Variants in FRG1 observed in about 807,000 individuals in gnomAD.
FRG1 encodes protein FRG1.
In FRG1, 19 loss-of-function variants were observed where a neutral mutation model predicts 37.0. The observed-to-expected ratio is 0.51, with a 90% CI of 0.36 to 0.75. The LOEUF is 0.75. Ranked by LOEUF, FRG1 falls within the 30% of genes least tolerant of loss-of-function variation. The pLI is 0.00. For synonymous variants in FRG1, 73 were observed against 96.5 expected, an observed-to-expected ratio of 0.76 and a Z score of 1.43; for missense variants, 243 against 301.4, an observed-to-expected ratio of 0.81 and a Z score of 1.44.
chr4:189,952,844 C>T (rs139147580), intron 3 of FRG1, among the ~76,000 whole-genome samples: 7 of 152,102 alleles, frequency 4.6e-5, no homozygotes, highest in African/African-American at 1.5e-4. Flanking sequence ...ATTAAATAAG[C>T]ATTATATCAC....
chr4:189,945,045 A>G (rs201004711), intron 2 of FRG1, among the ~76,000 whole-genome samples: 1 of 152,174 alleles, frequency 6.6e-6, no homozygotes, highest in East Asian at 1.9e-4. Flanking sequence ...ATTACTGTCA[A>G]TAGAACCTTT....
chr4:189,958,469 C>G (rs1737084730), intron 6 of FRG1, among the ~76,000 whole-genome samples: 1 of 152,200 alleles, frequency 6.6e-6, no homozygotes, highest in East Asian at 1.9e-4. Flanking sequence ...ATTAATAGTA[C>G]CCGTCTTCTT....
intron 1 of FRG1, chr4:189,942,114 T>A (rs983434881): frequency 3.0e-5 from 5 of 169,188 alleles, no homozygotes; most frequent in African/African-American, 1.2e-4. Context: ...TGTCTTAAGA[T>A]CATCGTAATA....
At chr4:189,944,337 C>T (rs1353400961) in intron 2 of FRG1, among the ~76,000 whole-genome samples, 1 of 152,064 alleles carries the variant, frequency 6.6e-6, no homozygotes, top group Non-Finnish European at 1.5e-5. Flanking sequence ...CCACCACACC[C>T]GGCTAATTTT....
At chr4:189,953,798 G>C (rs62345277) in intron 4 of FRG1, among the ~76,000 whole-genome samples, 1 of 150,556 alleles carries the variant, frequency 6.6e-6, no homozygotes, top group Non-Finnish European at 1.5e-5. Context: ...GATTATTTCT[G>C]TACTTTCTTT....
chr4:189,960,606 A>G (rs1193483587), intron 6 of FRG1, 142 bp from the exon 7 acceptor site: 2 of 986,548 alleles, frequency 2.0e-6, no homozygotes, highest in African/African-American at 3.3e-5. Flanking sequence ...ACACATAGCC[A>G]GAACCTTTTT....
intron 6 of FRG1, 143 bp from the exon 7 acceptor site, chr4:189,960,601 TAGCC>T: frequency 1.1e-6 from 1 of 915,622 alleles, no homozygotes; most frequent in Non-Finnish European, 1.6e-6. Context: ...TAAAAACACA[TAGCC>T]AGAACCTTTT....
intron 2 of FRG1, among the ~76,000 whole-genome samples, chr4:189,951,414 C>T (rs1267675864): frequency 6.6e-6 from 1 of 151,094 alleles, no homozygotes; most frequent in African/African-American, 2.4e-5. Flanking sequence ...TGTTTGAACC[C>T]GGGAGGCAGA....
At position 189,940,937 on chromosome 4, in the gene FRG1, C is replaced by T. The variant is rs1489246406; in HGVS notation, c.-73C>T. ...CGCGTCCGCTTCTGTTTCTCCGCGC[C>T]CCTGTGCTGCCCCGACTCACATACT... On this transcript the variant is annotated 5_prime_UTR_variant, in exon 1 of 9. Transcript: ENST00000226798. 20 of 1,210,590 alleles carry T rather than the reference C, an allele frequency of 1.7e-5. No homozygotes were observed. In the Admixed American group the frequency reaches 2.1e-4, roughly 13 times the overall value. 75.0% of individuals were successfully genotyped at this position (1,210,590 alleles called of 1,614,324 possible). A position where few individuals can be genotyped will look rare whatever the true frequency, so the allele number is the denominator to read the frequency against.
Position 189,940,956 on chromosome 4 carries a change from A to G in FRG1, c.-54A>G. On this transcript the variant is annotated 5_prime_UTR_variant, in exon 1 of 9. Transcript: ENST00000226798. ...CCGCGCCCCTGTGCTGCCCCGACTC[A>G]CATACTCGTCCAGAACCGGCCTCAG... 1 of 1,460,430 alleles carries G rather than the reference A, an allele frequency of 6.8e-7. No homozygotes were observed. 90.5% of individuals were successfully genotyped at this position (1,460,430 alleles called of 1,614,324 possible). A position where few individuals can be genotyped will look rare whatever the true frequency, so the allele number is the denominator to read the frequency against.
chr4:189,941,859 G>A, intron 1 of FRG1: 1 of 442,256 alleles, frequency 2.3e-6, no homozygotes, highest in Non-Finnish European at 4.5e-6. Context: ...TACAAATGTC[G>A]AGTATTTCCT....
intron 2 of FRG1, among the ~76,000 whole-genome samples, chr4:189,948,913 G>A (rs1736641308): frequency 6.6e-6 from 1 of 152,234 alleles, no homozygotes; most frequent in Non-Finnish European, 1.5e-5. Context: ...GGCTGATTTT[G>A]AACTCCTGGG....
rs1337962897 is a variant in FRG1 at position 189,959,832 on chromosome 4, C to T, written c.538-916C>T. The T allele has an allele frequency of 3.1e-6, 3 of 970,202 alleles. No individual in the cohort carries two copies. The African/African-American group carries it at 5.3e-5, about 17-fold the overall frequency. The allele number at this position is 970,202 out of a possible 1,614,324, so 60.1% of individuals were successfully genotyped here. A position where few individuals can be genotyped will look rare whatever the true frequency, so the allele number is the denominator to read the frequency against. On this transcript the variant is annotated intron_variant, in intron 6 of 8. Coordinates refer to ENST00000226798, the MANE Select transcript of FRG1 (RefSeq NM_004477.3). ...GATTATTTAGGACTCTTTTCCTTTA[C>T]CATTTAATTGCAGGCTCTCCTAATC...
intron 2 of FRG1, among the ~76,000 whole-genome samples, chr4:189,951,170 C>T (rs768745610): frequency 5.9e-5 from 9 of 152,104 alleles, no homozygotes; most frequent in Non-Finnish European, 1.0e-4. Flanking sequence ...AGATTCTGCT[C>T]ATTTTACTTT....
At chr4:189,945,000 T>A (rs1736466657) in intron 2 of FRG1, among the ~76,000 whole-genome samples, 1 of 152,192 alleles carries the variant, frequency 6.6e-6, no homozygotes, top group South Asian at 2.1e-4. Context: ...GCATGCCTGT[T>A]TAAACATTTA....
chr4:189,950,111 G>A (rs1173453404), intron 2 of FRG1, among the ~76,000 whole-genome samples: 4 of 152,090 alleles, frequency 2.6e-5, no homozygotes, highest in Non-Finnish European at 5.9e-5. Flanking sequence ...TTATGGTTTT[G>A]ATTTATATTT....
Position 189,952,172 on chromosome 4 carries a change from G to T in FRG1, c.144G>T (p.Trp48Cys), listed in dbSNP as rs3207890. The T allele has an allele frequency of 6.3e-7, 1 of 1,575,766 alleles. No individual in the cohort carries two copies. Among genetic ancestry groups the T allele is most frequent in the African/African-American group, 1.4e-5 (1 of 73,212 alleles). The change falls in exon 3 of 9, where the codon TGG (tryptophan) becomes TGT (cysteine). Residue 48 changes from tryptophan to cysteine, a missense_variant. By Grantham distance (215) the Trp-to-Cys change is radical (BLOSUM62 -2). This residue lies in a region of FRG1 where 110 missense variants were observed against 102.2 expected (regional missense o/e 1.08). Coordinates refer to ENST00000226798, the MANE Select transcript of FRG1 (RefSeq NM_004477.3). ...ETQLDIVGIW[W>C]TVTNFGEISG... Reference sequence around the variant, plus strand: ...GATTTTATTTTTTAGGAATCTGGTGGACAGTAACAAACTTTGGTGAAATTT... The same window carrying T: ...GATTTTATTTTTTAGGAATCTGGTGTACAGTAACAAACTTTGGTGAAATTT...
At chr4:189,961,716 G>T in intron 7 of FRG1, 106 bp from the exon 8 acceptor site, 1 of 594,040 alleles carries the variant, frequency 1.7e-6, no homozygotes, top group Non-Finnish European at 2.9e-6. Context: ...CCTACAATTA[G>T]ACTTTTTTAC....
intron 1 of FRG1, among the ~76,000 whole-genome samples, 196 bp from the exon 2 acceptor site, chr4:189,943,006 T>C (rs1454754205): frequency 6.6e-6 from 1 of 152,186 alleles, no homozygotes; most frequent in Non-Finnish European, 1.5e-5. Flanking sequence ...ACAATCTGCT[T>C]TGAACTCTAA....
Sources: allele counts gnomAD v4.1 joint callset (sites outside exome capture counted in the v4.1 genomes callset), GRCh38; gene constraint gnomAD v4.1.1; regional missense constraint gnomAD v4.1.1; transcripts MANE v1.5; gene names NCBI Gene and HGNC (gene_info 2026-07-23, HGNC 2026-07-21).